The following AP1G1 variants were observed in gnomAD, a reference collection of about 807,000 sequenced individuals.
The protein encoded by AP1G1 is AP-1 complex subunit gamma-1.
In AP1G1, 7 loss-of-function variants were observed where a neutral mutation model predicts 108.3. The observed-to-expected ratio is 0.06, with a 90% CI of 0.04 to 0.12. AP1G1 has a LOEUF of 0.12. AP1G1 is among the 10% of genes least tolerant of loss of function. The pLI is 1.00. For synonymous variants in AP1G1, 379 were observed against 353.5 expected, an observed-to-expected ratio of 1.07 and a Z score of -0.81; for missense variants, 756 against 1,010.7, an observed-to-expected ratio of 0.75 and a Z score of 3.42.
At chr16:71,771,899 A>G (rs2031586162) in intron 4 of AP1G1, among the ~76,000 whole-genome samples, 1 of 152,190 alleles carries the variant, frequency 6.6e-6, no homozygotes, top group Non-Finnish European at 1.5e-5. Context: ...ACTGACATCA[A>G]GAAAATCATT....
At chr16:71,763,004 G>C (rs1391282868) in intron 9 of AP1G1, among the ~76,000 whole-genome samples, 2 of 152,214 alleles carry the variant, frequency 1.3e-5, no homozygotes, top group African/African-American at 4.8e-5. Context: ...AATTCAATTA[G>C]AAGATACCCA....
intron 2 of AP1G1, chr16:71,777,568 G>C: frequency 2.7e-6 from 1 of 370,344 alleles, no homozygotes; most frequent in Non-Finnish European, 5.6e-6. Flanking sequence ...TCCAGGCCGA[G>C]AGAGGCCTCC....
In AP1G1 at chr16:71,764,662, T is replaced by C; in HGVS notation, c.803A>G (p.Asn268Ser). 1.9e-6 allele frequency: 3 copies of C among 1,609,444 alleles called. No individual in the cohort carries two copies. The highest frequency in any genetic ancestry group is 2.5e-6 in the Non-Finnish European group (3 of 1,178,390). ...TCTACTCACCTGTGCTAATATATCATTCATAGCTTCACTTGAATCATCATC... is the reference window on the plus strand; with the variant it reads ...TCTACTCACCTGTGCTAATATATCACTCATAGCTTCACTTGAATCATCATC... ...RNDDDSSEAM[N>S]DILAQVATNT... Residue 268 changes from asparagine (N) to serine (S), a missense_variant, in exon 8 of 23, where the codon AAT (asparagine) becomes AGT (serine). Around this residue, in one of 3 missense-constraint regions of AP1G1, gnomAD observed 304 missense variants for 483.6 expected, o/e 0.63. Transcript: ENST00000299980.
intron 1 of AP1G1, among the ~76,000 whole-genome samples, chr16:71,794,373 T>TCTTTGTCCTGTTTTTTTAAAGCAAATA (rs2032506081): frequency 6.6e-6 from 1 of 152,214 alleles, no homozygotes; most frequent in Non-Finnish European, 1.5e-5. Context: ...AAAATGTCCC[T>TCTTTGTCCTGTTTTTTTAAAGCAAATA]CTTTGTCCTG....
intron 15 of AP1G1, among the ~76,000 whole-genome samples, chr16:71,749,130 C>T (rs2030348011): frequency 6.6e-6 from 1 of 151,880 alleles, no homozygotes; most frequent in South Asian, 2.1e-4. Context: ...GATGGTCTGG[C>T]TAACCACCCT....
At chr16:71,758,597 T>G (rs2145455359) in intron 11 of AP1G1, 11 of 606,656 alleles carry the variant, frequency 1.8e-5, no homozygotes, top group South Asian at 1.5e-4. Context: ...CTTATTGGCC[T>G]CCTTAACAAC....
At chr16:71,773,850 C>T (rs1474946151) in intron 3 of AP1G1, among the ~76,000 whole-genome samples, 1 of 148,862 alleles carries the variant, frequency 6.7e-6, no homozygotes, top group Non-Finnish European at 1.5e-5. Flanking sequence ...GGCTGAGTAG[C>T]TACCCAGGTT....
intron 1 of AP1G1, 115 bp downstream of exon 1, chr16:71,808,648 C>T (rs867537513): frequency 1.4e-5 from 18 of 1,289,760 alleles, no homozygotes; most frequent in Middle Eastern, 4.3e-4. Context: ...CTCTTCTCAA[C>T]ACCCACAGCC....
intron 1 of AP1G1, among the ~76,000 whole-genome samples, chr16:71,795,721 T>C (rs1362117270): frequency 4.6e-5 from 7 of 152,260 alleles, no homozygotes; most frequent in African/African-American, 1.7e-4. Flanking sequence ...ATCAGACTTT[T>C]ACTTTACAAT....
chr16:71,784,974 TAA>T (rs2032148914), intron 2 of AP1G1, among the ~76,000 whole-genome samples: 1 of 149,458 alleles, frequency 6.7e-6, no homozygotes, highest in South Asian at 2.2e-4. Flanking sequence ...GATACTGTAG[TAA>T]AAAGTTTTAA....
Position 71,730,697 on chromosome 16 carries a change from T to G in AP1G1, c.*2361A>C, listed in dbSNP as rs2045468014. 6.5e-6 allele frequency: 1 copy of G among 152,700 alleles called. No homozygotes were observed. The highest frequency in any genetic ancestry group is 1.5e-5 in the Non-Finnish European group (1 of 68,056). 9.5% of individuals were successfully genotyped at this position (152,700 alleles called of 1,614,324 possible). A position where few individuals can be genotyped will look rare whatever the true frequency, so the allele number is the denominator to read the frequency against. On this transcript the variant is annotated 3_prime_UTR_variant, in exon 23 of 23. Transcript: ENST00000299980. ...TCAGTATCCTAGGCAGTTATTTGGC[T>G]GCTAGTCCTTCAGTATGGTGCTTGT...
intron 2 of AP1G1, among the ~76,000 whole-genome samples, chr16:71,784,686 G>C: frequency 6.6e-6 from 1 of 151,816 alleles, no homozygotes; most frequent in East Asian, 1.9e-4. Flanking sequence ...AGCCTCCCAA[G>C]TAGCTGGGAT....
chr16:71,773,750 C>G (rs1328564415), intron 3 of AP1G1, among the ~76,000 whole-genome samples: 2 of 152,026 alleles, frequency 1.3e-5, no homozygotes, highest in Non-Finnish European at 2.9e-5. Flanking sequence ...CGAGACCAGC[C>G]TGGCCAACAT....
At chr16:71,797,128 TAAA>T (rs770346972) in intron 1 of AP1G1, among the ~76,000 whole-genome samples, 1 of 150,284 alleles carries the variant, frequency 6.7e-6, no homozygotes, top group Non-Finnish European at 1.5e-5. Context: ...ACTAATGAAA[TAAA>T]AAAAAATTTC....
chr16:71,784,384 G>A (rs950933115), intron 2 of AP1G1, among the ~76,000 whole-genome samples: 1 of 152,126 alleles, frequency 6.6e-6, no homozygotes, highest in African/African-American at 2.4e-5. Context: ...CCTGAGAGGT[G>A]ACTGTCTCTT....
At chr16:71,766,032 T>A (rs2031298296) in intron 6 of AP1G1, among the ~76,000 whole-genome samples, 1 of 152,122 alleles carries the variant, frequency 6.6e-6, no homozygotes, top group Admixed American at 6.5e-5. Flanking sequence ...AAATTATAGC[T>A]TTAAAACATA....
intron 1 of AP1G1, among the ~76,000 whole-genome samples, chr16:71,798,173 C>A (rs151095966): frequency 6.6e-6 from 1 of 152,142 alleles, no homozygotes; most frequent in Non-Finnish European, 1.5e-5. Context: ...AGGCTGGGTG[C>A]GGTGGCTCAC....
chr16:71,799,938 T>TACA (rs2032725445), intron 1 of AP1G1, among the ~76,000 whole-genome samples: 3 of 135,616 alleles, frequency 2.2e-5, no homozygotes, highest in Non-Finnish European at 4.8e-5. Context: ...AAAATTATAT[T>TACA]GGCTGGGTGC....
intron 1 of AP1G1, among the ~76,000 whole-genome samples, chr16:71,804,629 A>C (rs927010926): frequency 2.0e-5 from 3 of 151,324 alleles, no homozygotes; most frequent in Non-Finnish European, 2.9e-5. Context: ...GCTAGTATCA[A>C]ACTCCTGACC....
Sources: gnomAD v4.1 joint callset for allele counts (sites outside exome capture counted in the v4.1 genomes callset) on GRCh38, gnomAD v4.1.1 for gene constraint, gnomAD v4.1.1 regional missense constraint, MANE v1.5 for transcripts, NCBI Gene and HGNC (gene_info 2026-07-23, HGNC 2026-07-21) for gene names.